The following NOL4L variants were observed in gnomAD, a reference collection of about 807,000 sequenced individuals.
NOL4L encodes nucleolar protein 4 like, also known as nucleolar protein 4-like.
Under a neutral mutation model 64.5 loss-of-function variants are expected in NOL4L, and 7 were observed. The ratio of observed to expected loss-of-function variants is 0.11; its 90% CI spans 0.06 to 0.20. The LOEUF (loss-of-function observed/expected upper bound fraction) is 0.20. Ranked by LOEUF, NOL4L falls within the 10% of genes least tolerant of loss-of-function variation. NOL4L has a pLI of 1.00. For synonymous variants in NOL4L, 413 were observed against 401.0 expected (o/e 1.03, Z -0.36); for missense variants, 680 against 967.1 (o/e 0.70, Z 3.94).
intron 1 of NOL4L, among the ~76,000 whole-genome samples, chr20:32,571,107 C>G (rs185367820): frequency 2.0e-5 from 3 of 152,166 alleles, no homozygotes; most frequent in African/African-American, 7.2e-5. Context: ...GGGGAACCAG[C>G]GGGCAGGGAA....
intron 4 of NOL4L, among the ~76,000 whole-genome samples, chr20:32,494,956 C>T (rs936144987): frequency 5.4e-5 from 8 of 148,058 alleles, no homozygotes; most frequent in South Asian, 4.1e-4. Flanking sequence ...GGCTCCTGTC[C>T]GCGGGTGGAC....
intron 1 of NOL4L, among the ~76,000 whole-genome samples, chr20:32,561,646 T>C (rs1396090602): frequency 1.3e-5 from 2 of 152,044 alleles, no homozygotes; most frequent in African/African-American, 4.8e-5. Flanking sequence ...AGGGTTGGGC[T>C]TGGGGACAGG....
chr20:32,558,331 A>G (rs933960547), intron 1 of NOL4L, among the ~76,000 whole-genome samples: 1 of 152,106 alleles, frequency 6.6e-6, no homozygotes, highest in Non-Finnish European at 1.5e-5. Flanking sequence ...TGAAATCCGC[A>G]TCGTAATCTA....
At chr20:32,493,556 C>T (rs2016550881) in intron 4 of NOL4L, among the ~76,000 whole-genome samples, 1 of 152,204 alleles carries the variant, frequency 6.6e-6, no homozygotes, top group South Asian at 2.1e-4. Flanking sequence ...GAGGAAACAA[C>T]AGCAGGGACT....
At position 32,460,998 on chromosome 20, in the gene NOL4L, G is replaced by A. The variant is rs566508448; in HGVS notation, c.842-4603C>T. 1.3e-5 allele frequency among the ~76,000 whole-genome samples: 2 copies of A among 152,338 alleles called. No homozygotes were observed. Among genetic ancestry groups the A allele is most frequent in the East Asian group, 1.9e-4 (1 of 5,184 alleles). ...CCCTACCTGCCCCGATCTCCATCGTGGCACCGGCTGTGGGCCACGGCTCTG... is the reference window on the plus strand; with the variant it reads ...CCCTACCTGCCCCGATCTCCATCGTAGCACCGGCTGTGGGCCACGGCTCTG... On this transcript the variant is annotated intron_variant, in intron 5 of 10. Transcript: ENST00000621426. The surrounding 1 kb of genome is among the most constrained non-coding windows in gnomAD (Gnocchi z 5.7).
chr20:32,471,539 T>C (rs925668499), intron 5 of NOL4L, among the ~76,000 whole-genome samples: 30 of 152,300 alleles, frequency 2.0e-4, no homozygotes, highest in African/African-American at 6.5e-4. Flanking sequence ...CCCCAACAAA[T>C]CCACAGCTGT....
intron 4 of NOL4L, among the ~76,000 whole-genome samples, chr20:32,499,682 T>A (rs1428925127): frequency 7.5e-6 from 1 of 133,998 alleles, no homozygotes; most frequent in East Asian, 2.2e-4. Context: ...GAGGTTGTAG[T>A]GAGCCAAGAT....
At chr20:32,536,078 G>C in intron 1 of NOL4L, 1 of 985,522 alleles carries the variant, frequency 1.0e-6, no homozygotes, top group Non-Finnish European at 1.2e-6. Context: ...AGACACCATA[G>C]GCATAATGGC....
At chr20:32,493,640 C>T (rs2016554467) in intron 4 of NOL4L, among the ~76,000 whole-genome samples, 1 of 152,204 alleles carries the variant, frequency 6.6e-6, no homozygotes, top group Admixed American at 6.5e-5. Flanking sequence ...GGGCACAGAG[C>T]ACCGCCCGAA....
In NOL4L at chr20:32,451,179, C is replaced by T. The variant is rs116860847; in HGVS notation, c.1822+1057G>A. Among the ~76,000 whole-genome samples the T allele has an allele frequency of 1.1e-3, 169 of 152,342 alleles. 1 individual carries two copies. The highest frequency in any genetic ancestry group is 6.8e-3 in the Middle Eastern group (2 of 294). ...CCAGCTTACAGGTGGCACCTTTCTCCAACCTACTCAGGTTCCTCAATTCTT... is the reference window on the plus strand; with the variant it reads ...CCAGCTTACAGGTGGCACCTTTCTCTAACCTACTCAGGTTCCTCAATTCTT... On this transcript the variant is annotated intron_variant, in intron 10 of 10. Coordinates refer to ENST00000621426, the MANE Select transcript of NOL4L (RefSeq NM_001256798.2).
chr20:32,474,178 G>A (rs954237456), intron 5 of NOL4L, among the ~76,000 whole-genome samples: 21 of 152,266 alleles, frequency 1.4e-4, no homozygotes, highest in Non-Finnish European at 2.9e-5. Flanking sequence ...TCACTCACCA[G>A]GTGACCTGGG....
intron 4 of NOL4L, among the ~76,000 whole-genome samples, chr20:32,500,792 A>T (rs1335846699): frequency 5.9e-5 from 9 of 152,144 alleles, no homozygotes; most frequent in Admixed American, 5.9e-4. Context: ...GTATGGCAAA[A>T]GAGCACAGGA....
intron 1 of NOL4L, among the ~76,000 whole-genome samples, chr20:32,534,369 C>T (rs1600847791): frequency 6.6e-6 from 1 of 152,180 alleles, no homozygotes; most frequent in South Asian, 2.1e-4. Context: ...TTGGCTACCA[C>T]GTGGGAGGGA....
intron 4 of NOL4L, among the ~76,000 whole-genome samples, chr20:32,491,206 G>C (rs1439935520): frequency 2.0e-5 from 3 of 152,216 alleles, no homozygotes. Flanking sequence ...TGCTGGTCAT[G>C]GGCGGTGTAT....
chr20:32,578,712 C>A (rs998949933), intron 1 of NOL4L, among the ~76,000 whole-genome samples: 2 of 152,156 alleles, frequency 1.3e-5, no homozygotes, highest in African/African-American at 2.4e-5. Context: ...AGTTTTAGAG[C>A]CCATTTTCCA....
intron 1 of NOL4L, among the ~76,000 whole-genome samples, chr20:32,566,474 C>T (rs1979437597): frequency 6.6e-6 from 1 of 152,276 alleles, no homozygotes; most frequent in South Asian, 2.1e-4. Context: ...TCATTTTGTT[C>T]TGAGGCTCAA....
chr20:32,483,506 C>G (rs1295972765), intron 4 of NOL4L: 2 of 984,038 alleles, frequency 2.0e-6, no homozygotes, highest in Non-Finnish European at 2.4e-6. Flanking sequence ...CACCGCGGCG[C>G]GTCACTGCCC....
chr20:32,554,059 A>G (rs546111845), intron 1 of NOL4L, among the ~76,000 whole-genome samples: 96 of 152,136 alleles, frequency 6.3e-4, no homozygotes, highest in Middle Eastern at 3.2e-3. Flanking sequence ...GGTGGCTCAC[A>G]CCTGTAATCC....
intron 1 of NOL4L, among the ~76,000 whole-genome samples, chr20:32,582,842 C>T (rs138788416): frequency 5.9e-5 from 9 of 152,096 alleles, no homozygotes; most frequent in Non-Finnish European, 1.0e-4. Context: ...ATGGGAGAAC[C>T]GAGGAGGGGA....
Sources: allele counts gnomAD v4.1 joint callset (sites outside exome capture counted in the v4.1 genomes callset), GRCh38; gene constraint gnomAD v4.1.1; non-coding constraint Gnocchi (gnomAD v3.1); transcripts MANE v1.5; gene names NCBI Gene and HGNC (gene_info 2026-07-23, HGNC 2026-07-21).